PCDHGA2: variants seen among roughly 807,000 people sequenced by gnomAD.
The protein encoded by PCDHGA2 is protocadherin gamma subfamily A, 2, also known as protocadherin gamma-A2.
In PCDHGA2, 40 loss-of-function variants were observed where a neutral mutation model predicts 59.2. That is an observed-to-expected ratio of 0.68 (90% confidence interval 0.52 to 0.88). The LOEUF is 0.88. PCDHGA2 is among the 40% of genes least tolerant of loss of function. The pLI is 0.00. For missense variants in PCDHGA2, 1,226 were observed against 1,204.0 expected, an observed-to-expected ratio of 1.02 and a Z score of -0.27; for synonymous variants, 560 against 526.0, an observed-to-expected ratio of 1.06 and a Z score of -0.89.
At position 141,477,483 on chromosome 5, in the gene PCDHGA2, A is replaced by T; in HGVS notation, c.2425-17324A>T. ...TCCGACATCAATGACAACCCTCCAC[A>T]ATCTTCTCAATCTTCCTACGACGTT... On this transcript the variant is annotated intron_variant, in intron 1 of 3. Coordinates refer to ENST00000394576, the MANE Select transcript of PCDHGA2 (RefSeq NM_018915.4). The surrounding 1 kb of genome is among the most constrained non-coding windows in gnomAD (Gnocchi z 4.9). 1 of 1,614,028 alleles carries T rather than the reference A, an allele frequency of 6.2e-7. No homozygotes were observed.
chr5:141,352,561 A>G, intron 1 of PCDHGA2: 1 of 1,613,960 alleles, frequency 6.2e-7, no homozygotes, highest in Non-Finnish European at 8.5e-7. Context: ...TCAACCTGAC[A>G]CCGGAAATGG....
intron 1 of PCDHGA2, among the ~76,000 whole-genome samples, chr5:141,449,616 G>A (rs1279953840): frequency 1.6e-4 from 24 of 146,738 alleles, no homozygotes; most frequent in Non-Finnish European, 2.3e-4. Flanking sequence ...AAGTAAAAAA[G>A]TTTTTTAAAA....
chr5:141,369,822 T>C (rs550233059), intron 1 of PCDHGA2, among the ~76,000 whole-genome samples: 1 of 152,318 alleles, frequency 6.6e-6, no homozygotes, highest in Non-Finnish European at 1.5e-5. Context: ...ATAGCTTCCA[T>C]TTGTATGATT....
chr5:141,394,184 C>T (rs1277537550), intron 1 of PCDHGA2: 1 of 1,613,944 alleles, frequency 6.2e-7, no homozygotes, highest in Non-Finnish European at 8.5e-7. Flanking sequence ...ATGCCTCCTA[C>T]TCAGCGTATA....
chr5:141,421,019 C>T, intron 1 of PCDHGA2: 1 of 516,402 alleles, frequency 1.9e-6, no homozygotes, highest in Non-Finnish European at 3.4e-6. Flanking sequence ...TGGGAAGCTG[C>T]GCGCCATTGA....
intron 1 of PCDHGA2, among the ~76,000 whole-genome samples, chr5:141,346,850 C>A (rs1757816176): frequency 6.6e-6 from 1 of 152,170 alleles, no homozygotes; most frequent in Non-Finnish European, 1.5e-5. Flanking sequence ...CATTTTAAAT[C>A]CCTGTGCTTT....
At chr5:141,371,560 AC>A in intron 1 of PCDHGA2, 1 of 1,613,892 alleles carries the variant, frequency 6.2e-7, no homozygotes, top group Non-Finnish European at 8.5e-7. Flanking sequence ...CTAAAAGGAA[AC>A]TTCCCCTTTA....
intron 1 of PCDHGA2, chr5:141,362,490 C>T: frequency 6.2e-7 from 1 of 1,614,048 alleles, no homozygotes; most frequent in Non-Finnish European, 8.5e-7. Flanking sequence ...GTGACAATGC[C>T]TCTTGGGAAC....
In PCDHGA2 at chr5:141,510,929, C is replaced by T. The variant is rs1238694958; in HGVS notation, c.2573-18C>T. The T allele has an allele frequency of 3.1e-6, 5 of 1,613,988 alleles. No homozygotes were observed. The highest frequency in any genetic ancestry group is 4.2e-6 in the Non-Finnish European group (5 of 1,179,988). On this transcript the variant is annotated intron_variant, in intron 3 of 3. Coordinates refer to ENST00000394576, the MANE Select transcript of PCDHGA2 (RefSeq NM_018915.4). ...ACCCTAAGTTTAGCTCCCACCTGAT[C>T]TTCCTCTGTCTCTGCAGAAGCTGCT...
At chr5:141,410,662 C>T (rs770245568) in intron 1 of PCDHGA2, 1 of 1,572,090 alleles carries the variant, frequency 6.4e-7, no homozygotes, top group Admixed American at 1.9e-5. Context: ...TAATAGTCTA[C>T]TAGTTTCTCA....
chr5:141,397,893 G>T (rs1442552386), intron 1 of PCDHGA2: 4 of 650,466 alleles, frequency 6.1e-6, no homozygotes, highest in African/African-American at 5.5e-5. Flanking sequence ...GTTGGCCAAA[G>T]TGCAGAGCTT....
At chr5:141,427,712 C>CCTGG (rs1319672065) in intron 1 of PCDHGA2, 7 of 1,051,350 alleles carry the variant, frequency 6.7e-6, no homozygotes, top group Non-Finnish European at 1.0e-5. Context: ...GCGCCTCTGA[C>CCTGG]CTGGACCTAG....
At chr5:141,352,279 C>T in intron 1 of PCDHGA2, 1 of 1,614,080 alleles carries the variant, frequency 6.2e-7, no homozygotes, top group Non-Finnish European at 8.5e-7. Context: ...ACCTCAGCGA[C>T]CGCCCTGAGC....
rs965707754 is a variant in PCDHGA2 at position 141,505,329 on chromosome 5, G to A, written c.2484-64G>A. On this transcript the variant is annotated intron_variant, in intron 2 of 3. Coordinates refer to ENST00000394576, the MANE Select transcript of PCDHGA2 (RefSeq NM_018915.4). ...ACTAGGTTTGGGAGCCCTGGGAGAG[G>A]ACAGGAGGGGCATGAGCTGTGCCGG... is the stretch of plus-strand genomic sequence containing the variant. The A allele has an allele frequency of 2.5e-6, 4 of 1,610,060 alleles. No individual in the cohort carries two copies. The African/African-American group carries it at 5.3e-5, about 22-fold the overall frequency.
intron 1 of PCDHGA2, chr5:141,403,465 G>C (rs1268345736): frequency 6.2e-7 from 1 of 1,614,018 alleles, no homozygotes; most frequent in Non-Finnish European, 8.5e-7. Context: ...AGAGCTACCA[G>C]CTCAGCCCCA....
rs903741318 is a variant in PCDHGA2, at chr5:141,454,939, C to G, written c.2425-39868C>G. On this transcript the variant is annotated intron_variant, in intron 1 of 3. Coordinates refer to ENST00000394576, the MANE Select transcript of PCDHGA2 (RefSeq NM_018915.4). ...TCTCCTGCCTCAGCCTCCCGAGTAG[C>G]TGGGACTACAGGCGCCGGCCACCAC... 6.0e-5 allele frequency among the ~76,000 whole-genome samples: 9 copies of G among 150,982 alleles called. No homozygotes were observed. The East Asian group carries it at 1.8e-3, about 30-fold the overall frequency.
intron 1 of PCDHGA2, chr5:141,415,463 T>G: frequency 6.2e-7 from 1 of 1,614,228 alleles, no homozygotes; most frequent in South Asian, 1.1e-5. Flanking sequence ...GAGGTCTCTC[T>G]CACCGCGGAC....
chr5:141,387,303 A>C (rs563124332), intron 1 of PCDHGA2, among the ~76,000 whole-genome samples: 1 of 152,334 alleles, frequency 6.6e-6, no homozygotes, highest in East Asian at 1.9e-4. Context: ...TATCCAGTAT[A>C]TTTCTAATGA....
intron 2 of PCDHGA2, among the ~76,000 whole-genome samples, chr5:141,498,828 G>C (rs2099786098): frequency 6.6e-6 from 1 of 152,092 alleles, no homozygotes; most frequent in Non-Finnish European, 1.5e-5. Flanking sequence ...AGCTACTCAG[G>C]AGGCTGAGGC....
Sources: gnomAD v4.1 joint callset for allele counts (sites outside exome capture counted in the v4.1 genomes callset) on GRCh38, gnomAD v4.1.1 for gene constraint, Gnocchi (gnomAD v3.1) non-coding constraint, MANE v1.5 for transcripts, NCBI Gene and HGNC (gene_info 2026-07-23, HGNC 2026-07-21) for gene names.